The following HMGB1 variants were observed in gnomAD, a reference collection of about 807,000 sequenced individuals.
HMGB1 encodes high mobility group box 1, also known as high mobility group protein B1.
For synonymous variants in HMGB1, 81 were observed against 84.0 expected (o/e 0.96, Z 0.19); for missense variants, 79 against 253.5 (o/e 0.31, Z 4.67).
chr13:30,602,636 C>A (rs1950414269), intron 1 of HMGB1, among the ~76,000 whole-genome samples: 1 of 152,142 alleles, frequency 6.6e-6, no homozygotes, highest in African/African-American at 2.4e-5. Context: ...GTAGCATAGC[C>A]AGCTGGCTTT....
Position 30,461,117 on chromosome 13 carries a change from A to G in HMGB1, c.*240T>C. On this transcript the variant is annotated 3_prime_UTR_variant, in exon 5 of 5. Transcript: ENST00000341423. ...AGAACCTGCTTTAAATTTCCATGCC[A>G]ATTTACAACCCCCATACTGTACCAG... 1 of 1,197,162 alleles carries G rather than the reference A, an allele frequency of 8.4e-7. No homozygotes were observed. 74.2% of individuals were successfully genotyped at this position (1,197,162 alleles called of 1,614,324 possible). A position where few individuals can be genotyped will look rare whatever the true frequency, so the allele number is the denominator to read the frequency against.
chr13:30,609,105 T>C (rs527814469), intron 1 of HMGB1, among the ~76,000 whole-genome samples: 1 of 150,622 alleles, frequency 6.6e-6, no homozygotes, highest in East Asian at 1.9e-4. Context: ...CTACTAAAAA[T>C]ACAAAAAATT....
chr13:30,605,376 C>T (rs766533973), intron 1 of HMGB1, among the ~76,000 whole-genome samples: 5 of 152,198 alleles, frequency 3.3e-5, no homozygotes, highest in Middle Eastern at 3.4e-3. Flanking sequence ...AGACGAGATC[C>T]GAGCCCAGAG....
chr13:30,557,842 G>C (rs771179137), intron 1 of HMGB1, among the ~76,000 whole-genome samples: 5 of 152,212 alleles, frequency 3.3e-5, no homozygotes, highest in Non-Finnish European at 7.3e-5. Context: ...CGGATGTTAA[G>C]AAGAGAGCGA....
rs1015890415 is a variant in HMGB1 at position 30,459,169 on chromosome 13, T to C, written c.*2188A>G. ...AAAAAATCATCTTCAGTTACAAGGC[T>C]TTACACTTATCTAAATTGCCTCCCA... On this transcript the variant is annotated 3_prime_UTR_variant, in exon 5 of 5. Coordinates refer to ENST00000341423, the MANE Select transcript of HMGB1 (RefSeq NM_002128.7). The C allele has an allele frequency of 2.2e-5, 3 of 137,910 alleles. No homozygotes were observed. The highest frequency in any genetic ancestry group is 8.3e-5 in the African/African-American group (3 of 35,980). The allele number at this position is 137,910 out of a possible 1,614,324, so 8.5% of individuals were successfully genotyped here. A position where few individuals can be genotyped will look rare whatever the true frequency, so the allele number is the denominator to read the frequency against.
At chr13:30,556,762 G>A (rs1457746540) in intron 1 of HMGB1, among the ~76,000 whole-genome samples, 1 of 152,204 alleles carries the variant, frequency 6.6e-6, no homozygotes, top group African/African-American at 2.4e-5. Flanking sequence ...TGGGACGAGA[G>A]TGACAGAGAG....
intron 1 of HMGB1, among the ~76,000 whole-genome samples, chr13:30,557,222 G>A (rs999588671): frequency 3.9e-5 from 6 of 152,016 alleles, no homozygotes; most frequent in Non-Finnish European, 7.4e-5. Flanking sequence ...AATTTGCACT[G>A]AATTCCAATT....
At chr13:30,511,960 C>T (rs1026954764) in intron 1 of HMGB1, among the ~76,000 whole-genome samples, 3 of 152,112 alleles carry the variant, frequency 2.0e-5, no homozygotes, top group African/African-American at 7.2e-5. Flanking sequence ...GCGACTGTGG[C>T]CTACCCTTTA....
intron 1 of HMGB1, among the ~76,000 whole-genome samples, chr13:30,498,344 T>G (rs1278113402): frequency 6.6e-6 from 1 of 152,128 alleles, no homozygotes; most frequent in African/African-American, 2.4e-5. Flanking sequence ...CAAGGTCAAT[T>G]AAGACTTTTT....
chr13:30,598,345 AT>A (rs1871708853), intron 1 of HMGB1, among the ~76,000 whole-genome samples: 1 of 152,272 alleles, frequency 6.6e-6, no homozygotes, highest in East Asian at 1.9e-4. Flanking sequence ...TTTTAAAGCA[AT>A]GTTACAAGAT....
In HMGB1 at chr13:30,471,013, C is replaced by G. The variant is rs150347138; in HGVS notation, c.-14-7319G>C. On this transcript the variant is annotated intron_variant, in intron 1 of 4. Transcript: ENST00000405805. ...TAATTTTTTGAGACAGAGGCTTGCTCTATTGCCCAGGTTGGAGTGCAGTGG... is the reference window on the plus strand; with the variant it reads ...TAATTTTTTGAGACAGAGGCTTGCTGTATTGCCCAGGTTGGAGTGCAGTGG... Among the ~76,000 whole-genome samples, 25 of 151,744 alleles carry G rather than the reference C, an allele frequency of 1.6e-4. No individual in the cohort carries two copies. The East Asian group carries it at 4.5e-3, about 27-fold the overall frequency.
chr13:30,467,247 G>A (rs1034822387), upstream of HMGB1, among the ~76,000 whole-genome samples: 33 of 151,812 alleles, frequency 2.2e-4, no homozygotes, highest in South Asian at 2.5e-3. Context: ...ATGGTATTTT[G>A]TACACTTCTA....
At chr13:30,601,256 C>T (rs988733805) in intron 1 of HMGB1, among the ~76,000 whole-genome samples, 20 of 152,214 alleles carry the variant, frequency 1.3e-4, no homozygotes, top group Admixed American at 2.6e-4. Context: ...TAATCCACCA[C>T]CCTTTGCTGA....
At chr13:30,483,617 C>CTTTTTTTTT (rs61395953) in intron 1 of HMGB1, among the ~76,000 whole-genome samples, 1 of 135,890 alleles carries the variant, frequency 7.4e-6, no homozygotes, top group South Asian at 2.4e-4. Flanking sequence ...GTGCAAATTT[C>CTTTTTTTTT]TTTTTTTTTT....
intron 1 of HMGB1, among the ~76,000 whole-genome samples, chr13:30,528,736 T>C (rs200474237): frequency 4.6e-5 from 7 of 151,804 alleles, no homozygotes; most frequent in East Asian, 1.9e-4. Context: ...TTGCATAAGA[T>C]TGAATTTTGG....
At chr13:30,503,772 G>T (rs185343504) in intron 1 of HMGB1, among the ~76,000 whole-genome samples, 68 of 151,648 alleles carry the variant, frequency 4.5e-4, no homozygotes, top group Middle Eastern at 6.8e-3. Context: ...GGTATTGCAG[G>T]GCTGGGTGAT....
At chr13:30,465,154 G>A in intron 1 of HMGB1, 3 of 967,136 alleles carry the variant, frequency 3.1e-6, no homozygotes, top group Non-Finnish European at 3.7e-6. Flanking sequence ...AGTCAGCCAT[G>A]TTCCAGCGAG....
intron 1 of HMGB1, chr13:30,554,683 A>C (rs1320804697): frequency 2.6e-6 from 2 of 771,368 alleles, no homozygotes; most frequent in Non-Finnish European, 4.8e-6. Flanking sequence ...GATACAATGG[A>C]AGAGAACAGT....
At chr13:30,574,118 A>G (rs1870547639) in intron 1 of HMGB1, among the ~76,000 whole-genome samples, 1 of 152,198 alleles carries the variant, frequency 6.6e-6, no homozygotes, top group Admixed American at 6.5e-5. Flanking sequence ...GATGCCCAAG[A>G]TGCCAGTGAG....
Sources: allele counts gnomAD v4.1 joint callset (sites outside exome capture counted in the v4.1 genomes callset), GRCh38; gene constraint gnomAD v4.1.1; transcripts MANE v1.5; gene names NCBI Gene and HGNC (gene_info 2026-07-23, HGNC 2026-07-21).